The following NEK10 variants were observed in gnomAD, a reference collection of about 807,000 sequenced individuals.
NEK10 encodes the protein NIMA related kinase 10.
NEK10 carries 122 observed loss-of-function variants against 159.8 expected under a neutral mutation model. The ratio of observed to expected loss-of-function variants is 0.76; its 90% CI spans 0.66 to 0.89. The LOEUF (loss-of-function observed/expected upper bound fraction) is 0.89. Ranked by LOEUF, NEK10 falls within the 40% of genes least tolerant of loss-of-function variation. The pLI is 0.00. For missense variants in NEK10, 1,342 were observed against 1,323.1 expected, an observed-to-expected ratio of 1.01 and a Z score of -0.22; for synonymous variants, 466 against 457.1, an observed-to-expected ratio of 1.02 and a Z score of -0.25.
chr3:27,236,784 G>T (rs1953962586), intron 23 of NEK10, among the ~76,000 whole-genome samples: 1 of 152,160 alleles, frequency 6.6e-6, no homozygotes. Context: ...GGCAAAATTA[G>T]AGTTACTGAT....
At position 27,344,692 on chromosome 3, in the gene NEK10, A is replaced by G. The variant is rs2047432444; in HGVS notation, c.264-322T>C. ...GCTAAAATTGGTTGGAGGGAAGAAA[A>G]GGGTAAATGGAGAGAAAGAATGATT... On this transcript the variant is annotated intron_variant, in intron 4 of 35. Transcript: ENST00000691995. Among the ~76,000 whole-genome samples, 3 of 152,152 alleles carry G rather than the reference A, an allele frequency of 2.0e-5. No homozygotes were observed. In the South Asian group the frequency reaches 6.2e-4, roughly 31 times the overall value.
intron 23 of NEK10, among the ~76,000 whole-genome samples, chr3:27,208,060 G>A (rs1198154387): frequency 5.3e-5 from 8 of 152,088 alleles, no homozygotes; most frequent in African/African-American, 1.7e-4. Flanking sequence ...CTGTGTGTTT[G>A]TATGTGTATG....
At chr3:27,142,015 G>A (rs1230740313) in intron 30 of NEK10, among the ~76,000 whole-genome samples, 8 of 151,996 alleles carry the variant, frequency 5.3e-5, no homozygotes, top group Non-Finnish European at 7.4e-5. Flanking sequence ...ACTATAAAAT[G>A]TAATCACTGA....
At position 27,132,101 on chromosome 3, in the gene NEK10, T is replaced by C. The variant is rs942367080; in HGVS notation, c.2971-111A>G. 4.7e-5 allele frequency: 22 copies of C among 465,618 alleles called. No individual in the cohort carries two copies. The South Asian group carries it at 4.9e-4, about 10-fold the overall frequency. The allele number at this position is 465,618 out of a possible 1,614,324, so 28.8% of individuals were successfully genotyped here. A position where few individuals can be genotyped will look rare whatever the true frequency, so the allele number is the denominator to read the frequency against. The stretch of plus-strand genomic sequence containing the variant: ...TAACAATATTCACTCAATAGGACTA[T>C]GTAAGAATTTAAATTTTACTGCAAA... On this transcript the variant is annotated intron_variant, in intron 31 of 35. Coordinates refer to ENST00000691995, the MANE Select transcript of NEK10 (RefSeq NM_001394966.1).
chr3:27,176,277 T>G (rs1947496244), intron 26 of NEK10, among the ~76,000 whole-genome samples: 1 of 152,218 alleles, frequency 6.6e-6, no homozygotes, highest in African/African-American at 2.4e-5. Context: ...AATTTGCAGG[T>G]GAAGAAGTAT....
chr3:27,364,369 T>C (rs1449780904), intron 1 of NEK10, among the ~76,000 whole-genome samples: 1 of 119,848 alleles, frequency 8.3e-6, no homozygotes, highest in East Asian at 2.3e-4. Flanking sequence ...TGTGTGTGTG[T>C]GTGTGTGTGT....
intron 16 of NEK10, 34 bp from the exon 17 acceptor site, chr3:27,291,620 C>G (rs762958747): frequency 2.4e-5 from 29 of 1,196,206 alleles, no homozygotes; most frequent in Admixed American, 1.5e-4. Flanking sequence ...TAAAGTAGAA[C>G]TTGGACACAG....
intron 28 of NEK10, among the ~76,000 whole-genome samples, chr3:27,172,117 T>A (rs2148868566): frequency 6.6e-6 from 1 of 151,922 alleles, no homozygotes; most frequent in African/African-American, 2.4e-5. Flanking sequence ...GGTAGATGAA[T>A]CATGAGGTCA....
At chr3:27,169,384 C>T (rs1946753589) in intron 29 of NEK10, among the ~76,000 whole-genome samples, 1 of 152,142 alleles carries the variant, frequency 6.6e-6, no homozygotes, top group Non-Finnish European at 1.5e-5. Context: ...TTCCCCTGCC[C>T]TCCCCATTAC....
intron 27 of NEK10, 32 bp from the exon 28 acceptor site, chr3:27,174,557 A>G (rs560938727): frequency 6.2e-7 from 1 of 1,602,184 alleles, no homozygotes; most frequent in African/African-American, 1.4e-5. Context: ...AAAAAAGCAA[A>G]TGAGTCTTGA....
intron 5 of NEK10, 63 bp from the exon 6 acceptor site, chr3:27,322,324 A>G: frequency 1.0e-6 from 1 of 970,762 alleles, no homozygotes; most frequent in East Asian, 2.6e-5. Flanking sequence ...ATTCATAAAA[A>G]TGCAAGGCTA....
At chr3:27,288,566 T>C (rs2042781661) in intron 19 of NEK10, among the ~76,000 whole-genome samples, 1 of 152,192 alleles carries the variant, frequency 6.6e-6, no homozygotes, top group African/African-American at 2.4e-5. Context: ...TTGGGTTCAA[T>C]CTCTCTCCTC....
chr3:27,119,541 A>T (rs766385852), intron 33 of NEK10, among the ~76,000 whole-genome samples: 1 of 152,200 alleles, frequency 6.6e-6, no homozygotes, highest in African/African-American at 2.4e-5. Context: ...CTGTTTGTTT[A>T]TGATATTAAT....
Position 27,293,655 on chromosome 3 carries a change from A to T in NEK10, c.1309-3T>A, listed in dbSNP as rs2043155846. The T allele has an allele frequency of 2.0e-6, 3 of 1,502,314 alleles. No homozygotes were observed. Among genetic ancestry groups the T allele is most frequent in the Non-Finnish European group, 1.8e-6 (2 of 1,088,530 alleles). 93.1% of individuals were successfully genotyped at this position (1,502,314 alleles called of 1,614,324 possible). A position where few individuals can be genotyped will look rare whatever the true frequency, so the allele number is the denominator to read the frequency against. ...CTCAAGGCTCTGAAAGCATAACACT[A>T]GAAAACAAAAGGATATGTGATTCTC... On this transcript the variant is annotated splice_polypyrimidine_tract_variant and splice_region_variant and intron_variant, in intron 15 of 35. Transcript: ENST00000691995.
At chr3:27,335,146 C>G in intron 5 of NEK10, among the ~76,000 whole-genome samples, 1 of 152,004 alleles carries the variant, frequency 6.6e-6, no homozygotes, top group African/African-American at 2.4e-5. Flanking sequence ...CAGGACCAGC[C>G]TGGCCAACAT....
intron 7 of NEK10, among the ~76,000 whole-genome samples, chr3:27,313,185 A>G (rs1167773992): frequency 6.6e-6 from 1 of 151,136 alleles, no homozygotes; most frequent in Non-Finnish European, 1.5e-5. Flanking sequence ...GAATCACTTG[A>G]ACTTGGGAGG....
intron 29 of NEK10, among the ~76,000 whole-genome samples, chr3:27,167,099 C>G (rs1282790282): frequency 6.6e-6 from 1 of 152,138 alleles, no homozygotes; most frequent in African/African-American, 2.4e-5. Flanking sequence ...CAACTATACC[C>G]TGTTGCCTTG....
intron 1 of NEK10, among the ~76,000 whole-genome samples, chr3:27,366,914 G>T (rs2049135468): frequency 6.6e-6 from 1 of 151,390 alleles, no homozygotes; most frequent in East Asian, 2.0e-4. Context: ...CGGTTCAAGG[G>T]ATTCTCCTGC....
intron 26 of NEK10, among the ~76,000 whole-genome samples, chr3:27,178,144 G>A (rs1162451542): frequency 6.6e-6 from 1 of 152,072 alleles, no homozygotes; most frequent in African/African-American, 2.4e-5. Flanking sequence ...CGCTAGTATT[G>A]GCACAATTAT....
Sources: gnomAD v4.1 joint callset for allele counts (sites outside exome capture counted in the v4.1 genomes callset) on GRCh38, gnomAD v4.1.1 for gene constraint, MANE v1.5 for transcripts, NCBI Gene and HGNC (gene_info 2026-07-23, HGNC 2026-07-21) for gene names.